The following WBP11 variants were observed in gnomAD, a reference collection of about 807,000 sequenced individuals.
WBP11 encodes WW domain-binding protein 11.
WBP11 carries 12 observed loss-of-function variants against 66.7 expected under a neutral mutation model. The observed-to-expected ratio is 0.18, with a 90% CI of 0.12 to 0.29. The LOEUF (loss-of-function observed/expected upper bound fraction) is 0.29, where lower values mean the gene tolerates loss of function less well. Among genes scored for constraint, WBP11 ranks in the 10% least tolerant of loss-of-function variants. WBP11 has a pLI of 1.00. For missense variants in WBP11, 555 were observed against 818.3 expected (o/e 0.68, Z 3.93); for synonymous variants, 255 against 273.8 (o/e 0.93, Z 0.68).
rs192321680 is a variant in WBP11 at position 14,795,249 on chromosome 12, C to T, written c.388-145G>A. ...AAAAACCCCCAGAAAAATAACCTTA[C>T]GTCAATACTTCCACATTGTCAAAGA... On this transcript the variant is annotated intron_variant, in intron 5 of 11. Transcript: ENST00000261167. The T allele has an allele frequency of 1.2e-4, 102 of 852,682 alleles. No homozygotes were observed. The African/African-American group carries it at 1.3e-3, about 11-fold the overall frequency. The allele number at this position is 852,682 out of a possible 1,614,324, so 52.8% of individuals were successfully genotyped here. A position where few individuals can be genotyped will look rare whatever the true frequency, so the allele number is the denominator to read the frequency against.
At position 14,794,578 on chromosome 12, in the gene WBP11, G is replaced by T. The variant is rs745563781; in HGVS notation, c.680C>A (p.Pro227His). ...RKVGFALDLPPRRRDEDMLYS... is the reference protein window; with the variant it reads ...RKVGFALDLPHRRRDEDMLYS... ...TAACATGTCTTCATCTCGCCTACGA[G>T]GGGGAAGATCTAGGGCAAAACCCAC... Residue 227 changes from proline (P) to histidine (H), a missense_variant, in exon 7 of 12, where the codon CCT (proline) becomes CAT (histidine). Pro to His is a moderately conservative substitution (Grantham distance 77). Transcript: ENST00000261167. 2.8e-5 allele frequency: 45 copies of T among 1,613,936 alleles called. No homozygotes were observed. The highest frequency in any genetic ancestry group is 1.1e-5 in the Non-Finnish European group (13 of 1,180,020).
chr12:14,800,847 A>G, intron 2 of WBP11, 64 bp from the exon 3 acceptor site: 1 of 1,365,690 alleles, frequency 7.3e-7, no homozygotes, highest in Non-Finnish European at 1.0e-6. Flanking sequence ...ATTTCCTCCA[A>G]TTTAATACAG....
At chr12:14,801,184 A>G in intron 2 of WBP11, 136 bp downstream of exon 2, 3 of 812,360 alleles carry the variant, frequency 3.7e-6, no homozygotes, top group Non-Finnish European at 5.9e-6. Flanking sequence ...TAATGTGCCC[A>G]TACAAACCCT....
rs1361026824 is a variant in WBP11, at chr12:14,801,155, CT to C, written c.64+164del. 2.0e-5 allele frequency: 11 copies of C among 549,554 alleles called. No individual in the cohort carries two copies. The African/African-American group carries it at 2.1e-4, about 10-fold the overall frequency. The allele number at this position is 549,554 out of a possible 1,614,324, so 34.0% of individuals were successfully genotyped here. On this transcript the variant is annotated intron_variant, in intron 2 of 11. Transcript: ENST00000261167. ...AAAAATAAAATACGGGTACTAATTT[CT>C]TTGCATATTTAAAGTCTTAATGTGC...
chr12:14,788,815 G>A, intron 11 of WBP11, 136 bp downstream of exon 11: 1 of 484,006 alleles, frequency 2.1e-6, no homozygotes, highest in East Asian at 3.6e-5. Flanking sequence ...TTCAAGCCAG[G>A]TCAACGGCAA....
chr12:14,789,442 G>A (rs71459166), intron 10 of WBP11, among the ~76,000 whole-genome samples: 7 of 152,050 alleles, frequency 4.6e-5, no homozygotes, highest in African/African-American at 9.7e-5. Context: ...AAAATTAGCC[G>A]GGCATGGTGG....
At chr12:14,791,091 C>T (rs1949816402) in intron 9 of WBP11, 78 bp downstream of exon 9, 1 of 1,406,232 alleles carries the variant, frequency 7.1e-7, no homozygotes, top group South Asian at 1.3e-5. Flanking sequence ...TGCTGAGATA[C>T]TAAATGGAAA....
rs764024721 is a variant in WBP11, at chr12:14,796,777, T to C, written c.387+30A>G. 1.3e-5 allele frequency: 21 copies of C among 1,568,848 alleles called. No individual in the cohort carries two copies. ...ATACTCAATCTGTATAATATTTTAG[T>C]TTATCTCTCAAAAAAAAAACCTTGA... On this transcript the variant is annotated intron_variant, in intron 5 of 11. Coordinates refer to ENST00000261167, the MANE Select transcript of WBP11 (RefSeq NM_016312.3). The surrounding 1 kb of genome is among the most constrained non-coding windows in gnomAD (Gnocchi z 4.5).
At position 14,788,935 on chromosome 12, in the gene WBP11, A is replaced by G; in HGVS notation, c.1492+16T>C. 5.0e-6 allele frequency: 7 copies of G among 1,390,474 alleles called. No homozygotes were observed. The highest frequency in any genetic ancestry group is 6.6e-6 in the Non-Finnish European group (7 of 1,062,844). 86.1% of individuals were successfully genotyped at this position (1,390,474 alleles called of 1,614,324 possible). A position where few individuals can be genotyped will look rare whatever the true frequency, so the allele number is the denominator to read the frequency against. On this transcript the variant is annotated intron_variant, in intron 11 of 11. Coordinates refer to ENST00000261167, the MANE Select transcript of WBP11 (RefSeq NM_016312.3). ...ACAGCAGGCTAAGTTTTTATTATAG[A>G]AATTGAAAGCATCACCTGGAGGTGC...
chr12:14,802,791 T>C (rs1949981692), intron 1 of WBP11, among the ~76,000 whole-genome samples: 1 of 152,054 alleles, frequency 6.6e-6, no homozygotes, highest in Non-Finnish European at 1.5e-5. Context: ...CCATCTTTGA[T>C]TGCCTGCGTT....
chr12:14,803,305 G>A, intron 1 of WBP11, 47 bp downstream of exon 1: 1 of 397,226 alleles, frequency 2.5e-6, no homozygotes, highest in Non-Finnish European at 4.4e-6. Flanking sequence ...GACGTGGAAG[G>A]GACGAAAGAG....
intron 1 of WBP11, among the ~76,000 whole-genome samples, chr12:14,802,264 A>AT (rs1949974223): frequency 2.0e-5 from 3 of 152,300 alleles, no homozygotes; most frequent in Admixed American, 2.0e-4. Context: ...ATGGGGCTTA[A>AT]TTTTTTGAAG....
chr12:14,791,127 G>A (rs754742970), intron 9 of WBP11, 42 bp downstream of exon 9: 1 of 1,571,134 alleles, frequency 6.4e-7, no homozygotes, highest in Non-Finnish European at 8.8e-7. Context: ...ATTAGCGTGA[G>A]GATACACCAA....
At position 14,785,362 on chromosome 12, in the gene WBP11, TTC is replaced by T. The variant is rs1372743907; in HGVS notation, c.*1701_*1702del. 9 of 152,332 alleles carry T rather than the reference TTC, an allele frequency of 5.9e-5. No homozygotes were observed. The highest frequency in any genetic ancestry group is 4.1e-4 in the South Asian group (2 of 4,826). The allele number at this position is 152,332 out of a possible 1,614,324, so 9.4% of individuals were successfully genotyped here. On this transcript the variant is annotated 3_prime_UTR_variant, in exon 12 of 12. Transcript: ENST00000261167. ...TTTCAGATCAAGTATTGGGAAATAA[TTC>T]TGTTTATGCTGAATAACTAACAATA... is the stretch of plus-strand genomic sequence containing the variant.
At chr12:14,793,525 A>C (rs892317460) in intron 8 of WBP11, among the ~76,000 whole-genome samples, 1 of 152,188 alleles carries the variant, frequency 6.6e-6, no homozygotes, top group Admixed American at 6.5e-5. Context: ...TTTTTATTAC[A>C]TACAGTTTAA....
At chr12:14,791,035 C>A in intron 9 of WBP11, 134 bp downstream of exon 9, 1 of 937,560 alleles carries the variant, frequency 1.1e-6, no homozygotes, top group East Asian at 2.6e-5. Context: ...ATAATGGTTC[C>A]AAACCTTATT....
In WBP11 at chr12:14,793,806, C is replaced by G; in HGVS notation, c.838G>C (p.Asp280His). 1 of 1,614,108 alleles carries G rather than the reference C, an allele frequency of 6.2e-7. No individual in the cohort carries two copies. ...STDDSDTDKSDGESDGDEFVH... is the reference protein window; with the variant it reads ...STDDSDTDKSHGESDGDEFVH... ...AATTCATCCCCGTCACTTTCTCCAT[C>G]TGATTTGTCGGTGTCACTGTCATCA... Residue 280 changes from aspartate (D) to histidine (H), a missense_variant, in exon 8 of 12, where the codon GAT becomes CAT. By Grantham distance (81) the Asp-to-His change is moderately conservative (BLOSUM62 -1). Around this residue, in one of 6 missense-constraint regions of WBP11, gnomAD observed 220 missense variants for 268.2 expected, o/e 0.82. Transcript: ENST00000261167.
chr12:14,794,636 G>A lies in WBP11; in HGVS notation c.622C>T (p.Pro208Ser). The A allele has an allele frequency of 6.2e-7, 1 of 1,614,028 alleles. No individual in the cohort carries two copies. Among genetic ancestry groups the A allele is most frequent in the African/African-American group, 1.3e-5 (1 of 75,012 alleles). The change falls in exon 7 of 12, where the codon CCT becomes TCT. Residue 208 changes from proline to serine, a missense_variant. This residue lies in a region of WBP11 where 220 missense variants were observed against 268.2 expected (regional missense o/e 0.82). Transcript: ENST00000261167. ...CCATACATCTGCACGACTTGAGGAG[G>A]AGGTGGACCAGGGGGAGGGCCAGGA... ...KPPGPPPGPP[P>S]PQVVQMYGRK...
In WBP11 at chr12:14,790,576, C is replaced by G. The variant is rs201485183; in HGVS notation, c.1189G>C (p.Val397Leu). ...GGTGCTTGTATCTGAGAAGGAGGAA[C>G]AGACTGCGGCGGAGCCTGCTGCTGT... ...SSQQQAPPQS[V>L]PPSQIQAPPM... The change falls in exon 10 of 12, where the codon GTT becomes CTT. Residue 397 changes from valine (V) to leucine (L), a missense_variant. By Grantham distance (32) the Val-to-Leu change is conservative. Around this residue, in one of 6 missense-constraint regions of WBP11, gnomAD observed 230 missense variants for 286.3 expected, o/e 0.80. Coordinates refer to ENST00000261167, the MANE Select transcript of WBP11 (RefSeq NM_016312.3). 12 of 1,613,994 alleles carry G rather than the reference C, an allele frequency of 7.4e-6. No individual in the cohort carries two copies. The East Asian group carries it at 2.0e-4, about 27-fold the overall frequency.
Sources: allele counts gnomAD v4.1 joint callset (sites outside exome capture counted in the v4.1 genomes callset), GRCh38; gene constraint gnomAD v4.1.1; regional missense constraint gnomAD v4.1.1; non-coding constraint Gnocchi (gnomAD v3.1); transcripts MANE v1.5; gene names NCBI Gene and HGNC (gene_info 2026-07-23, HGNC 2026-07-21).